Variants in HSD17B4 observed in about 807,000 individuals in gnomAD.
HSD17B4 encodes peroxisomal multifunctional enzyme type 2.
Under a neutral mutation model 101.0 loss-of-function variants are expected in HSD17B4, and 70 were observed. That is an observed-to-expected ratio of 0.69 (90% CI 0.57 to 0.85). The LOEUF is 0.85. Ranked by LOEUF, HSD17B4 falls within the 40% of genes least tolerant of loss-of-function variation. The probability of loss-of-function intolerance (pLI) is 0.00; values close to 1 mark genes in which losing one functional copy is unlikely to be tolerated. For missense variants in HSD17B4, 984 were observed against 892.4 expected, an observed-to-expected ratio of 1.10 and a Z score of -1.31; for synonymous variants, 347 against 297.1, an observed-to-expected ratio of 1.17 and a Z score of -1.73.
chr5:119,456,308 T>C lies in HSD17B4; in HGVS notation c.59-7T>C. 6.2e-7 allele frequency: 1 copy of C among 1,604,750 alleles called. No homozygotes were observed. Among genetic ancestry groups the C allele is most frequent in the Non-Finnish European group, 8.5e-7 (1 of 1,171,406 alleles). ...TTCAACTTTCTGATTATTTTGTTTT[T>C]GATTAGGATTGGGCCGAGCCTATGC... On this transcript the variant is annotated splice_region_variant and splice_polypyrimidine_tract_variant and intron_variant, in intron 1 of 23. Coordinates refer to ENST00000510025, the MANE Select transcript of HSD17B4 (RefSeq NM_000414.4).
At chr5:119,525,327 T>C in intron 18 of HSD17B4, 42 bp downstream of exon 18, 1 of 1,174,856 alleles carries the variant, frequency 8.5e-7, no homozygotes, top group South Asian at 1.2e-5. Context: ...ATATTAGCTA[T>C]TCGATATTTA....
intron 13 of HSD17B4, among the ~76,000 whole-genome samples, chr5:119,501,039 TGAAGTTGGGAG>T (rs1452540718): frequency 6.6e-6 from 1 of 152,136 alleles, no homozygotes; most frequent in African/African-American, 2.4e-5. Flanking sequence ...GAGTGTTTCA[TGAAGTTGGGAG>T]GAAGACAAGA....
At chr5:119,484,016 C>T (rs1749383106) in intron 8 of HSD17B4, among the ~76,000 whole-genome samples, 1 of 152,086 alleles carries the variant, frequency 6.6e-6, no homozygotes, top group Admixed American at 6.6e-5. Flanking sequence ...CTTAAGTTTC[C>T]TTTAAAACAT....
intron 23 of HSD17B4, among the ~76,000 whole-genome samples, chr5:119,540,704 A>C (rs901251416): frequency 6.6e-6 from 1 of 152,174 alleles, no homozygotes; most frequent in Non-Finnish European, 1.5e-5. Flanking sequence ...CTGGAATAAA[A>C]AGTTGTTGCC....
chr5:119,470,655 G>A (rs930388088), intron 2 of HSD17B4, among the ~76,000 whole-genome samples: 1 of 152,200 alleles, frequency 6.6e-6, no homozygotes, highest in African/African-American at 2.4e-5. Flanking sequence ...AAGCTGCCAT[G>A]CAGAGTTTCT....
intron 13 of HSD17B4, among the ~76,000 whole-genome samples, chr5:119,501,426 C>T (rs1353183308): frequency 6.6e-6 from 1 of 151,458 alleles, no homozygotes; most frequent in Non-Finnish European, 1.5e-5. Context: ...GTTTTCCTGT[C>T]CTGTTGTTTT....
rs773892658 is a variant in HSD17B4, at chr5:119,536,596, C to T, written c.2121+46C>T. 1.3e-5 allele frequency: 21 copies of T among 1,596,360 alleles called. No individual in the cohort carries two copies. In the African/African-American group the frequency reaches 1.6e-4, roughly 12 times the overall value. ...TTTATTCATTGTTTTATTGTTTCCT[C>T]TTTTGACAATTGCAGTTTTTAAGCT... On this transcript the variant is annotated intron_variant, in intron 23 of 23. Transcript: ENST00000510025.
At chr5:119,541,228 C>T (rs1017090673) in intron 23 of HSD17B4, among the ~76,000 whole-genome samples, 4 of 152,164 alleles carry the variant, frequency 2.6e-5, no homozygotes, top group African/African-American at 4.8e-5. Flanking sequence ...TGAATTAATA[C>T]TCTCTTATCA....
At chr5:119,480,523 C>G (rs1749022855) in intron 8 of HSD17B4, among the ~76,000 whole-genome samples, 1 of 152,072 alleles carries the variant, frequency 6.6e-6, no homozygotes, top group Non-Finnish European at 1.5e-5. Flanking sequence ...TGACAGACAT[C>G]AAGTACTTAA....
chr5:119,500,091 TCTGAG>T (rs968148129), intron 13 of HSD17B4, among the ~76,000 whole-genome samples: 1 of 152,138 alleles, frequency 6.6e-6, no homozygotes, highest in Non-Finnish European at 1.5e-5. Context: ...CATTTGTTGA[TCTGAG>T]CTGAGTAGTG....
rs1430984516 is a variant in HSD17B4, at chr5:119,502,024, T to G, written c.1210-17T>G. The G allele has an allele frequency of 6.4e-7, 1 of 1,558,708 alleles. No homozygotes were observed. Among genetic ancestry groups the G allele is most frequent in the East Asian group, 2.2e-5 (1 of 44,588 alleles). On this transcript the variant is annotated splice_polypyrimidine_tract_variant and intron_variant, in intron 13 of 23. Coordinates refer to ENST00000510025, the MANE Select transcript of HSD17B4 (RefSeq NM_000414.4). Reference sequence around the variant, plus strand: ...GCAAGAAAGTTTGCTAATAAAATTTTGTTTACCCTAACATAGGTTCTTCAT... The same window carrying G: ...GCAAGAAAGTTTGCTAATAAAATTTGGTTTACCCTAACATAGGTTCTTCAT...
intron 22 of HSD17B4, among the ~76,000 whole-genome samples, chr5:119,531,909 C>A (rs1754148411): frequency 2.6e-5 from 4 of 152,068 alleles, no homozygotes; most frequent in African/African-American, 9.7e-5. Context: ...TTTATCTAAT[C>A]TAGGGAAATT....
intron 2 of HSD17B4, chr5:119,472,680 C>G (rs933176450): frequency 2.6e-5 from 4 of 152,172 alleles, no homozygotes; most frequent in Non-Finnish European, 5.9e-5. Context: ...GTGATCCACC[C>G]GCCTCGACCT....
chr5:119,500,784 T>A (rs866676306), intron 13 of HSD17B4, among the ~76,000 whole-genome samples: 1 of 152,026 alleles, frequency 6.6e-6, no homozygotes, highest in South Asian at 2.1e-4. Context: ...ATCATGAGAA[T>A]AGGGTATTTG....
chr5:119,492,182 T>C (rs866732071), intron 10 of HSD17B4, 58 bp downstream of exon 10: 6 of 1,303,250 alleles, frequency 4.6e-6, no homozygotes, highest in Middle Eastern at 3.7e-4. Flanking sequence ...TAAACCTACA[T>C]ATCCAGTTGA....
intron 23 of HSD17B4, among the ~76,000 whole-genome samples, chr5:119,540,852 A>G (rs532417932): frequency 6.6e-6 from 1 of 152,200 alleles, no homozygotes; most frequent in Non-Finnish European, 1.5e-5. Context: ...AGACTTGAGC[A>G]GGTTATTTAA....
At chr5:119,527,021 C>A (rs925921628) in intron 19 of HSD17B4, 112 bp from the exon 20 acceptor site, 11 of 683,322 alleles carry the variant, frequency 1.6e-5, no homozygotes, top group East Asian at 2.7e-5. Context: ...TATCTTTAAA[C>A]CTTGATTTTT....
chr5:119,484,198 A>G (rs1749400398), intron 8 of HSD17B4, among the ~76,000 whole-genome samples: 1 of 152,198 alleles, frequency 6.6e-6, no homozygotes, highest in Non-Finnish European at 1.5e-5. Context: ...ATGGACTGAG[A>G]CCCTCCCTTA....
rs26180 is a variant in HSD17B4, at chr5:119,452,501, C to G, written c.-75C>G. The G allele has an allele frequency of 0.47, 761,642 of 1,610,302 alleles. 183,344 individuals carry two copies. Among genetic ancestry groups the G allele is most frequent in the Admixed American group, 0.55 (33,014 of 59,876 alleles). On this transcript the variant is annotated 5_prime_UTR_variant, in exon 1 of 24. Transcript: ENST00000510025. ...GACCCTCGTCCCGCCCCCGCCATTCCCCGCCTCCTCCTGTCCCGCAGTCGG... is the reference window on the plus strand; with the variant it reads ...GACCCTCGTCCCGCCCCCGCCATTCGCCGCCTCCTCCTGTCCCGCAGTCGG...
Sources: gnomAD v4.1 joint callset for allele counts (sites outside exome capture counted in the v4.1 genomes callset) on GRCh38, gnomAD v4.1.1 for gene constraint, MANE v1.5 for transcripts, NCBI Gene and HGNC (gene_info 2026-07-23, HGNC 2026-07-21) for gene names.